The following POU4F1 variants were observed in gnomAD, a reference collection of about 807,000 sequenced individuals.
POU4F1 encodes the protein POU class 4 homeobox 1, also known as POU domain, class 4, transcription factor 1.
A neutral mutation model predicts 19.8 loss-of-function variants in POU4F1; 5 were observed. That is an observed-to-expected ratio of 0.25 (90% CI 0.13 to 0.53). The LOEUF is 0.53. POU4F1 is among the 20% of genes least tolerant of loss of function. The pLI is 0.96. For missense variants in POU4F1, 408 were observed against 511.6 expected, an observed-to-expected ratio of 0.80 and a Z score of 1.95; for synonymous variants, 266 against 247.7, an observed-to-expected ratio of 1.07 and a Z score of -0.69.
Position 78,602,247 on chromosome 13 carries a change from GCGC to G in POU4F1, c.425_427del (p.Gly142del), listed in dbSNP as rs1175117364. The G allele has an allele frequency of 2.0e-6, 2 of 980,270 alleles. No homozygotes were observed. The highest frequency in any genetic ancestry group is 2.4e-6 in the Non-Finnish European group (2 of 828,150). The allele number at this position is 980,270 out of a possible 1,614,324, so 60.7% of individuals were successfully genotyped here. A position where few individuals can be genotyped will look rare whatever the true frequency, so the allele number is the denominator to read the frequency against. On this transcript the variant is annotated inframe_deletion, in exon 2 of 2. Transcript: ENST00000377208. ...GCCACCGCCCCCCGGGCCGTCGTGG[GCGC>G]CGCCGCCGCCGGCCGCCGCGCCCGC...
rs1370233433 is a variant in POU4F1, at chr13:78,600,071, T to C, written c.*1344A>G. 2 of 152,300 alleles carry C rather than the reference T, an allele frequency of 1.3e-5. No individual in the cohort carries two copies. Among genetic ancestry groups the C allele is most frequent in the Non-Finnish European group, 2.9e-5 (2 of 68,046 alleles). 9.4% of individuals were successfully genotyped at this position (152,300 alleles called of 1,614,324 possible). On this transcript the variant is annotated 3_prime_UTR_variant, in exon 2 of 2. Transcript: ENST00000377208. Reference sequence around the variant, plus strand: ...TGGGGGTGGGGGCACTTTAAATCTGTCTTCCTCTTTTCTGGGATTTAGGTG... The same window carrying C: ...TGGGGGTGGGGGCACTTTAAATCTGCCTTCCTCTTTTCTGGGATTTAGGTG...
rs923340602 is a variant in POU4F1 at position 78,599,422 on chromosome 13, CT to C, written c.*1992del. 6.6e-6 allele frequency: 1 copy of C among 152,546 alleles called. No individual in the cohort carries two copies. Among genetic ancestry groups the C allele is most frequent in the South Asian group, 2.1e-4 (1 of 4,828 alleles). The allele number at this position is 152,546 out of a possible 1,614,324, so 9.4% of individuals were successfully genotyped here. ...CATTAAATAAAATATTTACAATAATCTTTTTTCCTTTTTCTTTGAATACAAG... is the reference window on the plus strand; with the variant it reads ...CATTAAATAAAATATTTACAATAATCTTTTTCCTTTTTCTTTGAATACAAG... On this transcript the variant is annotated 3_prime_UTR_variant, in exon 2 of 2. Transcript: ENST00000377208.
chr13:78,601,623 T>A lies in POU4F1; in HGVS notation c.1052A>T (p.Asn351Ile), dbSNP rs749465694. The A allele has an allele frequency of 8.1e-6, 13 of 1,613,878 alleles. No homozygotes were observed. The South Asian group carries it at 1.4e-4, about 18-fold the overall frequency. ...CCGCTTGCGCTTCTTCTCGCCGCCG[T>A]TGAAGAGCTCAGGCTTGTTCATTTT... ...REKMNKPELF[N>I]GGEKKRKRTS... The change falls in exon 2 of 2, where the codon AAC (asparagine) becomes ATC (isoleucine). Residue 351 changes from asparagine (N) to isoleucine (I), a missense_variant. Asn to Ile is a moderately radical substitution (Grantham distance 149). This residue lies in a region of POU4F1 where 39 missense variants were observed against 36.8 expected (regional missense o/e 1.06). Transcript: ENST00000377208.
chr13:78,602,676 A>C, intron 1 of POU4F1, 125 bp from the exon 2 acceptor site: 8 of 1,015,244 alleles, frequency 7.9e-6, no homozygotes, highest in Non-Finnish European at 8.9e-6. Context: ...AGCAACCAAA[A>C]TAACAACGGG....
chr13:78,601,179 C>A lies in POU4F1; in HGVS notation c.*236G>T. 2.2e-6 allele frequency: 1 copy of A among 453,986 alleles called. No homozygotes were observed. Among genetic ancestry groups the A allele is most frequent in the Non-Finnish European group, 3.7e-6 (1 of 271,216 alleles). The allele number at this position is 453,986 out of a possible 1,614,324, so 28.1% of individuals were successfully genotyped here. ...CCCCACTCCCCCGAATGCTCCCCCC[C>A]TTCTCCCCTACCCTATACTCCAATC... is the stretch of plus-strand genomic sequence containing the variant. On this transcript the variant is annotated 3_prime_UTR_variant, in exon 2 of 2. Coordinates refer to ENST00000377208, the MANE Select transcript of POU4F1 (RefSeq NM_006237.4).
In POU4F1 at chr13:78,601,605, C is replaced by A; in HGVS notation, c.1070G>T (p.Arg357Leu). 6.2e-7 allele frequency: 1 copy of A among 1,613,770 alleles called. No homozygotes were observed. Among genetic ancestry groups the A allele is most frequent in the Non-Finnish European group, 8.5e-7 (1 of 1,180,012 alleles). Residue 357 changes from arginine (R) to leucine (L), a missense_variant, in exon 2 of 2, where the codon CGC becomes CTC. Transcript: ENST00000377208. ...GGGCGCGGCGATGGAAGTCCGCTTG[C>A]GCTTCTTCTCGCCGCCGTTGAAGAG... ...PELFNGGEKK[R>L]KRTSIAAPEK...
rs976149732 is a variant in POU4F1, at chr13:78,599,129, C to T, written c.*2286G>A. On this transcript the variant is annotated 3_prime_UTR_variant, in exon 2 of 2. Coordinates refer to ENST00000377208, the MANE Select transcript of POU4F1 (RefSeq NM_006237.4). ...TGTTTGTTGAAAGGTTCTACCAGGA[C>T]CTGGCCCAGTATAAACACAAAAACG... 6.6e-6 allele frequency: 1 copy of T among 152,454 alleles called. No homozygotes were observed. The highest frequency in any genetic ancestry group is 6.6e-5 in the Admixed American group (1 of 15,256). The allele number at this position is 152,454 out of a possible 1,614,324, so 9.4% of individuals were successfully genotyped here. A position where few individuals can be genotyped will look rare whatever the true frequency, so the allele number is the denominator to read the frequency against.
chr13:78,602,537 G>A lies in POU4F1; in HGVS notation c.138C>T (p.Leu46=). Residue 46 remains leucine, a synonymous_variant, in exon 2 of 2, where the codon CTC becomes CTT. Coordinates refer to ENST00000377208, the MANE Select transcript of POU4F1 (RefSeq NM_006237.4). ...CLPTPPLQSN[L]FASLDETLLA... ...GCAGCGTCTCGTCCAGGCTGGCGAA[G>A]AGGTTGCTCTGCAGCTGCAGGCGAC... is the stretch of plus-strand genomic sequence containing the variant. 5 of 1,553,252 alleles carry A rather than the reference G, an allele frequency of 3.2e-6. No homozygotes were observed. The highest frequency in any genetic ancestry group is 4.3e-6 in the Non-Finnish European group (5 of 1,155,008).
chr13:78,599,929 A>G lies in POU4F1; in HGVS notation c.*1486T>C, dbSNP rs1003481488. 2.0e-5 allele frequency: 3 copies of G among 152,658 alleles called. No individual in the cohort carries two copies. Among genetic ancestry groups the G allele is most frequent in the African/African-American group, 4.8e-5 (2 of 41,448 alleles). The allele number at this position is 152,658 out of a possible 1,614,324, so 9.5% of individuals were successfully genotyped here. ...TTGGGAGACTGGTAGTGCAAATTAA[A>G]GTTCTTGCTACCCAACATTTATCCC... is the stretch of plus-strand genomic sequence containing the variant. On this transcript the variant is annotated 3_prime_UTR_variant, in exon 2 of 2. Coordinates refer to ENST00000377208, the MANE Select transcript of POU4F1 (RefSeq NM_006237.4).
Position 78,602,488 on chromosome 13 carries a change from C to A in POU4F1, c.187G>T (p.Ala63Ser). The A allele has an allele frequency of 6.3e-7, 1 of 1,596,012 alleles. No homozygotes were observed. Among genetic ancestry groups the A allele is most frequent in the Non-Finnish European group, 8.5e-7 (1 of 1,173,600 alleles). ...CCCTGGGACACGGCGATGTCCACGG[C>A]CGCCAGCGCCTCGGCCCGCGCCAGC... Reference protein sequence around the residue: ...TLLARAEALAAVDIAVSQGKS... With the variant: ...TLLARAEALASVDIAVSQGKS... Residue 63 changes from alanine (A) to serine (S), a missense_variant, in exon 2 of 2, where the codon GCC becomes TCC. Ala to Ser is a moderately conservative substitution (Grantham distance 99). Around this residue, in one of 4 missense-constraint regions of POU4F1, gnomAD observed 294 missense variants for 288.2 expected, o/e 1.02. Coordinates refer to ENST00000377208, the MANE Select transcript of POU4F1 (RefSeq NM_006237.4).
rs1874742669 is a variant in POU4F1 at position 78,602,257 on chromosome 13, C to G, written c.418G>C (p.Gly140Arg). ...CCCGGGCCGTCGTGGGCGCCGCCGC[C>G]GCCGGCCGCCGCGCCCGCGCCGCCC... ...GAGGAGAAAG[G>R]GGAHDGPGGG... The change falls in exon 2 of 2, where the codon GGC (glycine) becomes CGC (arginine). Residue 140 changes from glycine to arginine, a missense_variant. Around this residue, in one of 4 missense-constraint regions of POU4F1, gnomAD observed 294 missense variants for 288.2 expected, o/e 1.02. Transcript: ENST00000377208. 1 of 1,021,446 alleles carries G rather than the reference C, an allele frequency of 9.8e-7. No individual in the cohort carries two copies. The highest frequency in any genetic ancestry group is 1.7e-5 in the African/African-American group (1 of 57,526). 63.3% of individuals were successfully genotyped at this position (1,021,446 alleles called of 1,614,324 possible).
At position 78,601,361 on chromosome 13, in the gene POU4F1, C is replaced by CA; in HGVS notation, c.*53dup. ...GGGAGGCAAGCAGAGGAAAGCCCCC[C>CA]AAAAATGCCTCCTCAGCTCCCCATT... On this transcript the variant is annotated 3_prime_UTR_variant, in exon 2 of 2. Coordinates refer to ENST00000377208, the MANE Select transcript of POU4F1 (RefSeq NM_006237.4). 1.2e-6 allele frequency: 2 copies of CA among 1,606,892 alleles called. No individual in the cohort carries two copies. The highest frequency in any genetic ancestry group is 8.5e-7 in the Non-Finnish European group (1 of 1,177,314).
At position 78,601,285 on chromosome 13, in the gene POU4F1, G is replaced by A. The variant is rs1165213098; in HGVS notation, c.*130C>T. On this transcript the variant is annotated 3_prime_UTR_variant, in exon 2 of 2. Transcript: ENST00000377208. ...AGAGAATGGGTGGAGGAAAGAGAGC[G>A]AGAAGGGACTCCCCAAATGCAGGCA... 12 of 1,419,154 alleles carry A rather than the reference G, an allele frequency of 8.5e-6. No individual in the cohort carries two copies. In the South Asian group the frequency reaches 1.1e-4, roughly 13 times the overall value. 87.9% of individuals were successfully genotyped at this position (1,419,154 alleles called of 1,614,324 possible).
In POU4F1 at chr13:78,603,415, T is replaced by G; in HGVS notation, c.-89A>C. On this transcript the variant is annotated 5_prime_UTR_variant, in exon 1 of 2. Coordinates refer to ENST00000377208, the MANE Select transcript of POU4F1 (RefSeq NM_006237.4). ...GCTCACCCGGCCTCCCTTCGGAGGC[T>G]GCAGCCGCGGCGGTCGCGGCGGCTG... 6.9e-7 allele frequency: 1 copy of G among 1,439,840 alleles called. No individual in the cohort carries two copies. The highest frequency in any genetic ancestry group is 9.1e-7 in the Non-Finnish European group (1 of 1,093,060). 89.2% of individuals were successfully genotyped at this position (1,439,840 alleles called of 1,614,324 possible).
intron 1 of POU4F1, among the ~76,000 whole-genome samples, 200 bp downstream of exon 1, chr13:78,603,004 C>T (rs1416822931): frequency 2.0e-5 from 3 of 152,208 alleles, no homozygotes; most frequent in African/African-American, 4.8e-5. Context: ...ATCGCAGGCG[C>T]CTGACGCGGA....
chr13:78,601,402 C>T lies in POU4F1; in HGVS notation c.*13G>A, dbSNP rs779533157. 1 of 1,613,534 alleles carries T rather than the reference C, an allele frequency of 6.2e-7. No homozygotes were observed. The highest frequency in any genetic ancestry group is 8.5e-7 in the Non-Finnish European group (1 of 1,180,006). On this transcript the variant is annotated 3_prime_UTR_variant, in exon 2 of 2. Transcript: ENST00000377208. ...GCTCCCCATTCTGTCCCGCCCGACA[C>T]CTCCCAGCCCCCTCAGTAAGTGGCA...
At position 78,602,260 on chromosome 13, in the gene POU4F1, C is replaced by CAT; in HGVS notation, c.414_415insAT (p.Gly139MetfsTer71). The CAT allele has an allele frequency of 9.5e-7, 1 of 1,052,680 alleles. No individual in the cohort carries two copies. Among genetic ancestry groups the CAT allele is most frequent in the Non-Finnish European group, 1.1e-6 (1 of 873,410 alleles). The allele number at this position is 1,052,680 out of a possible 1,614,324, so 65.2% of individuals were successfully genotyped here. ...GGGCCGTCGTGGGCGCCGCCGCCGC[C>CAT]GGCCGCCGCGCCCGCGCCGCCCGCG... On this transcript the variant is annotated frameshift_variant, in exon 2 of 2. Coordinates refer to ENST00000377208, the MANE Select transcript of POU4F1 (RefSeq NM_006237.4). LOFTEE classifies it high-confidence loss of function.
At chr13:78,603,177 C>A in intron 1 of POU4F1, 27 bp downstream of exon 1, 1 of 1,383,752 alleles carries the variant, frequency 7.2e-7, no homozygotes, top group South Asian at 1.7e-5. Flanking sequence ...GGCGCGCGGG[C>A]CGGGGCCGCG....
In POU4F1 at chr13:78,602,024, G is replaced by C; in HGVS notation, c.651C>G (p.Pro217=). Reference sequence around the variant, plus strand: ...GGTGCGCCGCCGCCGCCACCAGCCCGGGGTGCGGCAGCCCGGACGGCATGT... The same window carrying C: ...GGTGCGCCGCCGCCGCCACCAGCCCCGGGTGCGGCAGCCCGGACGGCATGT... ...AMNMPSGLPH[P]GLVAAAAHHG... The change falls in exon 2 of 2, where the codon CCC becomes CCG. Residue 217 remains proline (P), a synonymous_variant. Transcript: ENST00000377208. The C allele has an allele frequency of 1.2e-5, 9 of 777,046 alleles. No individual in the cohort carries two copies. The highest frequency in any genetic ancestry group is 1.4e-5 in the Non-Finnish European group (9 of 643,314). 48.1% of individuals were successfully genotyped at this position (777,046 alleles called of 1,614,324 possible).
Sources: gnomAD v4.1 joint callset for allele counts (sites outside exome capture counted in the v4.1 genomes callset) on GRCh38, gnomAD v4.1.1 for gene constraint, gnomAD v4.1.1 regional missense constraint, MANE v1.5 for transcripts, NCBI Gene and HGNC (gene_info 2026-07-23, HGNC 2026-07-21) for gene names.